Variants in CPEB1 observed in about 807,000 individuals in gnomAD.
CPEB1 encodes cytoplasmic polyadenylation element binding protein 1, also known as cytoplasmic polyadenylation element-binding protein 1.
Under a neutral mutation model 65.8 loss-of-function variants are expected in CPEB1, and 7 were observed. That is an observed-to-expected ratio of 0.11 (90% confidence interval 0.06 to 0.20). CPEB1 has a LOEUF of 0.20. CPEB1 is among the 10% of genes least tolerant of loss of function. The pLI is 1.00. For missense variants in CPEB1, 551 were observed against 712.2 expected (o/e 0.77, Z 2.58); for synonymous variants, 262 against 260.0 (o/e 1.01, Z -0.08).
At chr15:82,623,536 C>T (rs1178944804) in intron 3 of CPEB1, among the ~76,000 whole-genome samples, 2 of 152,198 alleles carry the variant, frequency 1.3e-5, no homozygotes, top group East Asian at 1.9e-4. Flanking sequence ...ATTAGCCAGG[C>T]GTGGTGGGGC....
chr15:82,646,572 G>A (rs924384137), intron 1 of CPEB1, among the ~76,000 whole-genome samples: 2 of 152,184 alleles, frequency 1.3e-5, no homozygotes, highest in Admixed American at 6.5e-5. Flanking sequence ...CGGTGCAAGG[G>A]GCCAGGGCTG....
chr15:82,575,666 GCCA>G (rs1446462934), intron 3 of CPEB1, among the ~76,000 whole-genome samples: 1 of 151,900 alleles, frequency 6.6e-6, no homozygotes, highest in Non-Finnish European at 1.5e-5. Flanking sequence ...TATATAAATG[GCCA>G]ATAAGAACTT....
intron 4 of CPEB1, among the ~76,000 whole-genome samples, chr15:82,569,106 T>A (rs888879173): frequency 1.3e-5 from 2 of 152,120 alleles, no homozygotes; most frequent in Admixed American, 1.3e-4. Context: ...AGCTAGCTGG[T>A]TTTCAGACGG....
intron 1 of CPEB1, among the ~76,000 whole-genome samples, chr15:82,641,288 GAGAC>G (rs2047092237): frequency 6.6e-6 from 1 of 152,146 alleles, no homozygotes; most frequent in African/African-American, 2.4e-5. Flanking sequence ...AGACACATGG[GAGAC>G]AGACAGATGG....
At chr15:82,644,542 T>C (rs1053781803) in intron 1 of CPEB1, among the ~76,000 whole-genome samples, 1 of 152,142 alleles carries the variant, frequency 6.6e-6, no homozygotes, top group African/African-American at 2.4e-5. Context: ...CTATAGTGTT[T>C]AAAATTTTTT....
In CPEB1 at chr15:82,557,803, G is replaced by A; in HGVS notation, c.644C>T (p.Thr215Ile). The A allele has an allele frequency of 6.2e-7, 1 of 1,614,164 alleles. No individual in the cohort carries two copies. The highest frequency in any genetic ancestry group is 8.5e-7 in the Non-Finnish European group (1 of 1,180,016). ...ATCTGATCCAGAGCTGAAGCCACTG[G>A]TGTCTGAGTCAGAGGGGCTGCTAGA... Reference protein sequence around the residue: ...SRSSSPSDSDTSGFSSGSDHL... With the variant: ...SRSSSPSDSDISGFSSGSDHL... Residue 215 changes from threonine to isoleucine, a missense_variant, in exon 5 of 13, where the codon ACC becomes ATC. Thr to Ile is a moderately conservative substitution (Grantham distance 89, BLOSUM62 -1). This residue lies in a region of CPEB1 where 3 missense variants were observed against 18.2 expected (regional missense o/e 0.16). Coordinates refer to ENST00000684509, the MANE Select transcript of CPEB1 (RefSeq NM_001365242.1).
chr15:82,552,678 G>A, intron 8 of CPEB1, 62 bp from the exon 9 acceptor site: 1 of 1,567,886 alleles, frequency 6.4e-7, no homozygotes, highest in Non-Finnish European at 8.7e-7. Context: ...CTCAGCCTTG[G>A]CTTTGCAGCA....
intron 1 of CPEB1, among the ~76,000 whole-genome samples, chr15:82,644,527 T>G (rs1042833243): frequency 6.6e-6 from 1 of 152,132 alleles, no homozygotes; most frequent in Non-Finnish European, 1.5e-5. Flanking sequence ...CATGTTACAT[T>G]TGGTCTATAG....
intron 3 of CPEB1, among the ~76,000 whole-genome samples, chr15:82,605,045 A>G (rs907135212): frequency 6.6e-6 from 1 of 152,222 alleles, no homozygotes; most frequent in Non-Finnish European, 1.5e-5. Context: ...TAACATTAAT[A>G]GCTGATTTCT....
chr15:82,563,391 T>C lies in CPEB1; in HGVS notation c.461-5405A>G, dbSNP rs1194625142. Among the ~76,000 whole-genome samples, 7 of 119,120 alleles carry C rather than the reference T, an allele frequency of 5.9e-5. No homozygotes were observed. In the South Asian group the frequency reaches 2.0e-3, roughly 34 times the overall value. 78.1% of individuals were successfully genotyped at this position (119,120 alleles called of 152,430 possible). ...TTTTTTTTTTTTTTTTGAGCAAGGG[T>C]CTCCCTCTGTAACCCAGGCTAGAGC... On this transcript the variant is annotated intron_variant, in intron 4 of 12. Transcript: ENST00000684509.
chr15:82,557,656 G>T, intron 5 of CPEB1, 104 bp downstream of exon 5: 1 of 917,148 alleles, frequency 1.1e-6, no homozygotes, highest in Non-Finnish European at 1.7e-6. Flanking sequence ...CTCCCAGCCT[G>T]CATTCCAGGG....
intron 3 of CPEB1, among the ~76,000 whole-genome samples, chr15:82,607,590 G>A (rs1216263674): frequency 6.6e-6 from 1 of 151,558 alleles, no homozygotes; most frequent in Non-Finnish European, 1.5e-5. Context: ...CAAGTCTCAA[G>A]GAAAAAAACA....
upstream of CPEB1, chr15:82,647,726 CCCCGCCCGGGACTCG>C (rs1382642097): frequency 4.8e-6 from 4 of 839,574 alleles, no homozygotes; most frequent in Admixed American, 1.4e-4. Context: ...CGTGACCGCG[CCCCGCCCGGGACTCG>C]CCCGCACGGG....
chr15:82,628,129 G>A, intron 2 of CPEB1: 1 of 690,026 alleles, frequency 1.4e-6, no homozygotes, highest in Non-Finnish European at 2.6e-6. Flanking sequence ...AAGTCTAGAA[G>A]AATTACACCA....
intron 3 of CPEB1, among the ~76,000 whole-genome samples, chr15:82,617,980 G>A (rs1365397489): frequency 4.0e-5 from 6 of 151,370 alleles, no homozygotes; most frequent in Admixed American, 6.6e-5. Flanking sequence ...TGATCCGCCC[G>A]CCTCGGCCTC....
chr15:82,634,745 T>C (rs921329478), intron 1 of CPEB1, among the ~76,000 whole-genome samples: 2 of 144,028 alleles, frequency 1.4e-5, no homozygotes, highest in Non-Finnish European at 3.0e-5. Flanking sequence ...TTTAAATGCA[T>C]TGGTCTTGAA....
At chr15:82,596,286 G>A (rs1193271921) in intron 3 of CPEB1, among the ~76,000 whole-genome samples, 1 of 152,088 alleles carries the variant, frequency 6.6e-6, no homozygotes, top group Non-Finnish European at 1.5e-5. Flanking sequence ...TATTCTGACC[G>A]AATTCACTTG....
chr15:82,562,890 G>A (rs762985482), intron 4 of CPEB1, among the ~76,000 whole-genome samples: 33 of 151,174 alleles, frequency 2.2e-4, no homozygotes, highest in South Asian at 6.2e-4. Context: ...ACACTAAAAT[G>A]GTAAATACTT....
intron 4 of CPEB1, among the ~76,000 whole-genome samples, chr15:82,567,621 G>T (rs944062810): frequency 9.9e-5 from 15 of 151,612 alleles, no homozygotes; most frequent in Non-Finnish European, 2.2e-4. Flanking sequence ...GGTCGACAGA[G>T]TGAGACTCCA....
Sources: allele counts gnomAD v4.1 joint callset (sites outside exome capture counted in the v4.1 genomes callset), GRCh38; gene constraint gnomAD v4.1.1; regional missense constraint gnomAD v4.1.1; transcripts MANE v1.5; gene names NCBI Gene and HGNC (gene_info 2026-07-23, HGNC 2026-07-21).